Variants in CELA3A observed in about 807,000 individuals in gnomAD.
CELA3A encodes chymotrypsin like elastase 3A.
Under a neutral mutation model 38.6 loss-of-function variants are expected in CELA3A, and 35 were observed. That is an observed-to-expected ratio of 0.91 (90% confidence interval 0.69 to 1.20). CELA3A has a LOEUF of 1.20. Ranked by LOEUF, CELA3A falls within the 50% of genes most tolerant of loss-of-function variation. CELA3A has a pLI of 0.00. For synonymous variants in CELA3A, 143 were observed against 136.7 expected (o/e 1.05, Z -0.32); for missense variants, 343 against 354.2 (o/e 0.97, Z 0.25).
At chr1:22,010,849 CAG>C (rs1029429293) in intron 7 of CELA3A, 3 of 149,588 alleles carry the variant, frequency 2.0e-5, no homozygotes, top group African/African-American at 7.5e-5. Flanking sequence ...AGGTCAGAAA[CAG>C]AGCAGGTCAA....
intron 2 of CELA3A, among the ~76,000 whole-genome samples, chr1:22,003,333 T>A (rs4543769): frequency 0.14 from 21,723 of 150,464 alleles, 4,050 homozygotes; most frequent in African/African-American, 0.41. Context: ...ACTCAAGGAG[T>A]TGGCACACTG....
At chr1:22,010,410 A>G (rs1644976561) in intron 7 of CELA3A, among the ~76,000 whole-genome samples, 1 of 151,168 alleles carries the variant, frequency 6.6e-6, no homozygotes, top group Non-Finnish European at 1.5e-5. Flanking sequence ...CGAGGTTAGG[A>G]GTTCAAGACC....
At chr1:22,002,428 C>A (rs916618582) in intron 1 of CELA3A, 6 of 420,662 alleles carry the variant, frequency 1.4e-5, no homozygotes, top group Admixed American at 1.3e-4. Flanking sequence ...AAAATCCTGG[C>A]CTCAAGCAAT....
chr1:22,011,704 A>G lies in CELA3A; in HGVS notation c.796-746A>G, dbSNP rs1238062003. ...GAACTCAGGAGGCAGAGGTTGCAGT[A>G]AGCTGAGATTGTGCCACTGCCCTCC... On this transcript the variant is annotated intron_variant, in intron 7 of 7. Coordinates refer to ENST00000290122, the MANE Select transcript of CELA3A (RefSeq NM_005747.5). 2.5e-5 allele frequency among the ~76,000 whole-genome samples: 3 copies of G among 122,346 alleles called. 1 individual carries two copies. The highest frequency in any genetic ancestry group is 1.0e-4 in the African/African-American group (3 of 29,424). The allele number at this position is 122,346 out of a possible 152,430, so 80.3% of individuals were successfully genotyped here. A position where few individuals can be genotyped will look rare whatever the true frequency, so the allele number is the denominator to read the frequency against.
intron 6 of CELA3A, among the ~76,000 whole-genome samples, chr1:22,009,091 T>C (rs10917108): frequency 0.26 from 39,137 of 150,834 alleles, 6,035 homozygotes; most frequent in East Asian, 0.39. Context: ...TATGGCTGGG[T>C]GCAGTGACTC....
rs1263302419 is a variant in CELA3A, at chr1:22,009,790, G to A, written c.728G>A (p.Gly243Asp). 6.2e-7 allele frequency: 1 copy of A among 1,612,086 alleles called. No homozygotes were observed. Among genetic ancestry groups the A allele is most frequent in the South Asian group, 1.1e-5 (1 of 90,994 alleles). ...GTGACCAGCTTTGTTTCTGCCTTTGGCTGCAACTTCATCTGGAAGCCCACG... is the reference window on the plus strand; with the variant it reads ...GTGACCAGCTTTGTTTCTGCCTTTGACTGCAACTTCATCTGGAAGCCCACG... ...HGVTSFVSAF[G>D]CNFIWKPTVF... Residue 243 changes from glycine to aspartate, a missense_variant, in exon 7 of 8, where the codon GGC (glycine) becomes GAC (aspartate). Transcript: ENST00000290122.
In CELA3A at chr1:22,005,682, T is replaced by C. The variant is rs556610644; in HGVS notation, c.248T>C (p.Val83Ala). Residue 83 changes from valine to alanine, a missense_variant, in exon 4 of 8, where the codon GTG (valine) becomes GCG (alanine). Transcript: ENST00000290122. ...TGCAGGAGGGATCTGACCTACCAGG[T>C]GGTGTTGGGTGAGTACAACCTTGCT... ...HCISRDLTYQ[V>A]VLGEYNLAVK... 5.6e-5 allele frequency: 91 copies of C among 1,612,214 alleles called. 2 individuals carry two copies. The South Asian group carries it at 9.2e-4, about 16-fold the overall frequency.
intron 6 of CELA3A, among the ~76,000 whole-genome samples, chr1:22,008,411 A>G (rs1644963825): frequency 1.3e-5 from 2 of 150,910 alleles, no homozygotes; most frequent in Middle Eastern, 3.4e-3. Flanking sequence ...TTGGCCTTCC[A>G]AAGTGTTATG....
chr1:22,011,372 C>G (rs1484038237), intron 7 of CELA3A, among the ~76,000 whole-genome samples: 1 of 143,352 alleles, frequency 7.0e-6, no homozygotes, highest in Admixed American at 7.2e-5. Context: ...CAGAGCAAGA[C>G]TCCATCTCAA....
rs553362487 is a variant in CELA3A, at chr1:22,005,728, G to T, written c.294G>T (p.Gln98His). 1 of 1,612,422 alleles carries T rather than the reference G, an allele frequency of 6.2e-7. No individual in the cohort carries two copies. The highest frequency in any genetic ancestry group is 8.5e-7 in the Non-Finnish European group (1 of 1,179,466). ...YNLAVKEGPE[Q>H]VIPINSEELF... ...TTGCTGTGAAGGAGGGCCCCGAGCA[G>T]GTGATCCCCATCAACTCTGAGGAGC... Residue 98 changes from glutamine to histidine, a missense_variant, in exon 4 of 8, where the codon CAG (glutamine) becomes CAT (histidine). Physicochemically the swap from Gln to His is conservative, Grantham distance 24 (BLOSUM62 0). Coordinates refer to ENST00000290122, the MANE Select transcript of CELA3A (RefSeq NM_005747.5).
chr1:22,009,781 C>CT lies in CELA3A; in HGVS notation c.720dup (p.Ala241CysfsTer24), dbSNP rs1644972642. On this transcript the variant is annotated frameshift_variant, in exon 7 of 8. Coordinates refer to ENST00000290122, the MANE Select transcript of CELA3A (RefSeq NM_005747.5). LOFTEE classifies it high-confidence loss of function. The stretch of plus-strand genomic sequence containing the variant: ...GTCCACGGTGTGACCAGCTTTGTTT[C>CT]TGCCTTTGGCTGCAACTTCATCTGG... 6.2e-7 allele frequency: 1 copy of CT among 1,612,124 alleles called. No individual in the cohort carries two copies. The highest frequency in any genetic ancestry group is 1.1e-5 in the South Asian group (1 of 91,004).
At chr1:22,006,085 G>C (rs1644948527) in intron 4 of CELA3A, 1 of 415,596 alleles carries the variant, frequency 2.4e-6, no homozygotes, top group Admixed American at 3.7e-5. Context: ...TGGCTTCAGA[G>C]CTCAGGGTTC....
intron 4 of CELA3A, 75 bp from the exon 5 acceptor site, chr1:22,006,803 C>G: frequency 2.5e-6 from 4 of 1,569,808 alleles, no homozygotes; most frequent in Non-Finnish European, 3.5e-6. Flanking sequence ...GGTGGAATAG[C>G]CTGGAGCAAC....
intron 1 of CELA3A, 68 bp from the exon 2 acceptor site, chr1:22,002,935 G>T (rs575409494): frequency 3.5e-6 from 5 of 1,429,404 alleles, no homozygotes; most frequent in Non-Finnish European, 4.8e-6. Flanking sequence ...GGCTTGGACT[G>T]GGACCCTGGC....
intron 2 of CELA3A, among the ~76,000 whole-genome samples, chr1:22,004,353 G>A (rs1247728032): frequency 7.3e-5 from 11 of 151,234 alleles, no homozygotes; most frequent in South Asian, 2.1e-4. Context: ...GATTATAGGC[G>A]TAAGCCACCA....
chr1:22,003,554 G>A (rs773646440), intron 2 of CELA3A, among the ~76,000 whole-genome samples: 3 of 150,592 alleles, frequency 2.0e-5, no homozygotes, highest in South Asian at 2.1e-4. Context: ...GGTGGCTCAC[G>A]CCTGTAATCC....
rs1305231403 is a variant in CELA3A at position 22,010,095 on chromosome 1, G to T, written c.795+238G>T. Reference sequence around the variant, plus strand: ...CAGCTGAACTTCCTTATTTCAACAAGTATTTATAAAGTATCTCCTCTGGTC... The same window carrying T: ...CAGCTGAACTTCCTTATTTCAACAATTATTTATAAAGTATCTCCTCTGGTC... On this transcript the variant is annotated intron_variant, in intron 7 of 7. Coordinates refer to ENST00000290122, the MANE Select transcript of CELA3A (RefSeq NM_005747.5). The T allele has an allele frequency of 5.3e-6, 3 of 565,902 alleles. No individual in the cohort carries two copies. In the African/African-American group the frequency reaches 5.9e-5, roughly 11 times the overall value. The allele number at this position is 565,902 out of a possible 1,614,324, so 35.1% of individuals were successfully genotyped here.
At position 22,008,466 on chromosome 1, in the gene CELA3A, A is replaced by G. The variant is rs1460583019; in HGVS notation, c.642+951A>G. 6.0e-5 allele frequency among the ~76,000 whole-genome samples: 9 copies of G among 151,024 alleles called. No homozygotes were observed. The South Asian group carries it at 1.9e-3, about 32-fold the overall frequency. The stretch of plus-strand genomic sequence containing the variant: ...TTCCTGGCCAAGACCTTGTCTAAGA[A>G]AAAAAAACAAAGGCTGGGCGCGGTG... On this transcript the variant is annotated intron_variant, in intron 6 of 7. Coordinates refer to ENST00000290122, the MANE Select transcript of CELA3A (RefSeq NM_005747.5).
Position 22,009,737 on chromosome 1 carries a change from A to G in CELA3A, c.675A>G (p.Thr225=). 6.2e-7 allele frequency: 1 copy of G among 1,612,196 alleles called. No individual in the cohort carries two copies. Among genetic ancestry groups the G allele is most frequent in the Non-Finnish European group, 8.5e-7 (1 of 1,179,424 alleles). Residue 225 remains threonine (T), a synonymous_variant, in exon 7 of 8, where the codon ACA becomes ACG. Transcript: ENST00000290122. ...CTGGAGGACCCCTCAACTGCCCCAC[A>G]GAGGATGGTGGCTGGCAGGTCCACG... is the stretch of plus-strand genomic sequence containing the variant. ...GDSGGPLNCP[T]EDGGWQVHGV...
Sources: gnomAD v4.1 joint callset for allele counts (sites outside exome capture counted in the v4.1 genomes callset) on GRCh38, gnomAD v4.1.1 for gene constraint, MANE v1.5 for transcripts, NCBI Gene and HGNC (gene_info 2026-07-23, HGNC 2026-07-21) for gene names.